Variants in SATB1 observed in about 807,000 individuals in gnomAD.
The protein encoded by SATB1 is SATB homeobox 1.
A neutral mutation model predicts 86.9 loss-of-function variants in SATB1; 11 were observed. The ratio of observed to expected loss-of-function variants is 0.13; its 90% confidence interval spans 0.08 to 0.21. SATB1 has a LOEUF of 0.21. Among genes scored for constraint, SATB1 ranks in the 10% least tolerant of loss-of-function variants. The pLI, the probability that SATB1 is intolerant of heterozygous loss-of-function variation, is 1.00. For missense variants in SATB1, 551 were observed against 937.6 expected (o/e 0.59, Z 5.39); for synonymous variants, 357 against 357.2 (o/e 1.00, Z 0.01).
upstream of SATB1, among the ~76,000 whole-genome samples, chr3:18,442,715 T>C (rs1319561516): frequency 6.6e-6 from 1 of 152,216 alleles, no homozygotes; most frequent in African/African-American, 2.4e-5. Flanking sequence ...ATTATGCACT[T>C]ATTATAACCT....
intron 9 of SATB1, among the ~76,000 whole-genome samples, chr3:18,370,715 C>A (rs1695439782): frequency 6.6e-6 from 1 of 152,030 alleles, no homozygotes; most frequent in Non-Finnish European, 1.5e-5. Context: ...TAGCATAGGA[C>A]AGAGTTGGGG....
chr3:18,419,779 C>T (rs942159847), intron 2 of SATB1, among the ~76,000 whole-genome samples: 2 of 152,134 alleles, frequency 1.3e-5, no homozygotes. Flanking sequence ...GCTGTTTTCC[C>T]ATTTTTAATA....
chr3:18,439,608 A>G (rs987569089), upstream of SATB1, among the ~76,000 whole-genome samples: 2 of 152,164 alleles, frequency 1.3e-5, no homozygotes, highest in African/African-American at 4.8e-5. Context: ...CTTTTTCTTC[A>G]GTGTAGTGAA....
At chr3:18,366,353 T>TCAA (rs1695185862) in intron 9 of SATB1, among the ~76,000 whole-genome samples, 1 of 152,124 alleles carries the variant, frequency 6.6e-6, no homozygotes, top group Non-Finnish European at 1.5e-5. Context: ...AATCTGTGAT[T>TCAA]TCTCATCAAT....
At chr3:18,430,504 A>G (rs1698852674) in intron 2 of SATB1, among the ~76,000 whole-genome samples, 2 of 152,204 alleles carry the variant, frequency 1.3e-5, no homozygotes, top group Admixed American at 1.3e-4. Flanking sequence ...GTTAAAAATC[A>G]CAGTCATTCC....
At chr3:18,419,118 T>A (rs915592854) in intron 2 of SATB1, among the ~76,000 whole-genome samples, 4 of 152,212 alleles carry the variant, frequency 2.6e-5, no homozygotes, top group African/African-American at 7.2e-5. Flanking sequence ...GTGGATTTTA[T>A]TGATCATGTT....
chr3:18,388,158 G>A (rs1267362632), intron 7 of SATB1, among the ~76,000 whole-genome samples: 1 of 152,092 alleles, frequency 6.6e-6, no homozygotes, highest in Non-Finnish European at 1.5e-5. Context: ...GGATACTAAC[G>A]AGTAATGCTG....
rs758199712 is a variant in SATB1 at position 18,349,556 on chromosome 3, C to T, written c.1906G>A (p.Glu636Lys). 6.2e-7 allele frequency: 1 copy of T among 1,614,002 alleles called. No individual in the cohort carries two copies. The highest frequency in any genetic ancestry group is 8.5e-7 in the Non-Finnish European group (1 of 1,180,000). Residue 636 changes from glutamate to lysine, a missense_variant, in exon 11 of 11, where the codon GAG becomes AAG. Glu to Lys is a moderately conservative substitution (Grantham distance 56). Transcript: ENST00000338745. The surrounding 1 kb of genome is among the most constrained non-coding windows in gnomAD (Gnocchi z 5.5). Reference protein sequence around the residue: ...PRQPTVASPAESDEENRQKTR... With the variant: ...PRQPTVASPAKSDEENRQKTR... ...TTCTGTCGGTTTTCCTCATCTGACT[C>T]TGCTGGAGAGGCCACCGTGGGTTGC... is the stretch of plus-strand genomic sequence containing the variant.
rs1694207090 is a variant in SATB1 at position 18,349,024 on chromosome 3, T to C, written c.*146A>G. ...CATTTAGTGCAGTCTGTATTATCCT[T>C]TTCCAACTTTTCTGTTTGTGCAAGT... On this transcript the variant is annotated 3_prime_UTR_variant, in exon 11 of 11. Transcript: ENST00000338745. The surrounding 1 kb of genome is among the most constrained non-coding windows in gnomAD (Gnocchi z 5.5). 9.5e-6 allele frequency: 13 copies of C among 1,367,218 alleles called. 1 individual carries two copies. The South Asian group carries it at 1.8e-4, about 19-fold the overall frequency. 84.7% of individuals were successfully genotyped at this position (1,367,218 alleles called of 1,614,324 possible).
chr3:18,410,074 C>A (rs1410538142), intron 5 of SATB1, among the ~76,000 whole-genome samples: 1 of 152,042 alleles, frequency 6.6e-6, no homozygotes, highest in Non-Finnish European at 1.5e-5. Flanking sequence ...GTCCCAAATA[C>A]CAAGTTATCC....
chr3:18,351,237 C>A lies in SATB1; in HGVS notation c.1779+755G>T, dbSNP rs755862787. On this transcript the variant is annotated intron_variant, in intron 10 of 10. Coordinates refer to ENST00000338745, the MANE Select transcript of SATB1 (RefSeq NM_002971.6). ...GTAGGGCCTTTACAGGTTTGAAAAT[C>A]CTGACCTGGGGAGCAGGTCTTTAGG... is the stretch of plus-strand genomic sequence containing the variant. The A allele has an allele frequency of 4.8e-6, 6 of 1,257,522 alleles. No homozygotes were observed. The Admixed American group carries it at 7.9e-5, about 17-fold the overall frequency. The allele number at this position is 1,257,522 out of a possible 1,614,324, so 77.9% of individuals were successfully genotyped here. A position where few individuals can be genotyped will look rare whatever the true frequency, so the allele number is the denominator to read the frequency against.
intron 5 of SATB1, among the ~76,000 whole-genome samples, chr3:18,406,790 TAAGTATA>T (rs1290526624): frequency 6.6e-6 from 1 of 151,996 alleles, no homozygotes; most frequent in Non-Finnish European, 1.5e-5. Flanking sequence ...AATACAGAAT[TAAGTATA>T]ATAGGAAAAT....
chr3:18,382,085 A>C (rs1696092322), intron 8 of SATB1, among the ~76,000 whole-genome samples: 1 of 152,196 alleles, frequency 6.6e-6, no homozygotes, highest in Admixed American at 6.5e-5. Context: ...ACTGAACCTG[A>C]AATCAAGATG....
intron 2 of SATB1, among the ~76,000 whole-genome samples, chr3:18,431,107 C>G (rs1423213354): frequency 6.6e-6 from 1 of 152,026 alleles, no homozygotes; most frequent in African/African-American, 2.4e-5. Context: ...ATAATTCCAC[C>G]AAAATTGGTA....
intron 9 of SATB1, among the ~76,000 whole-genome samples, chr3:18,354,112 T>A (rs762045990): frequency 6.6e-6 from 1 of 152,214 alleles, no homozygotes; most frequent in Non-Finnish European, 1.5e-5. Context: ...GTGAATATAT[T>A]AACTATAAAA....
chr3:18,413,831 A>G (rs1697988905), intron 5 of SATB1, among the ~76,000 whole-genome samples: 1 of 152,112 alleles, frequency 6.6e-6, no homozygotes, highest in African/African-American at 2.4e-5. Flanking sequence ...TATTAATTAT[A>G]AACAATTCAT....
upstream of SATB1, among the ~76,000 whole-genome samples, chr3:18,441,485 T>C (rs1699242896): frequency 6.6e-6 from 1 of 152,186 alleles, no homozygotes; most frequent in South Asian, 2.1e-4. Flanking sequence ...GCTTTAGTCA[T>C]ATGCATTTAT....
At chr3:18,435,345 T>C (rs1411476835) in intron 2 of SATB1, 1 of 152,114 alleles carries the variant, frequency 6.6e-6, no homozygotes, top group East Asian at 1.9e-4. Context: ...TGGAAACTAA[T>C]CTCTATGTGT....
chr3:18,384,463 T>G lies in SATB1; in HGVS notation c.1419+1936A>C, dbSNP rs1447381040. Among the ~76,000 whole-genome samples, 9 of 151,996 alleles carry G rather than the reference T, an allele frequency of 5.9e-5. 1 individual carries two copies. Among genetic ancestry groups the G allele is most frequent in the Non-Finnish European group, 1.2e-4 (8 of 67,984 alleles). Reference sequence around the variant, plus strand: ...AGTCAAATATCTGGCTAGATGTTTTTTTTTTTTTTTAAAGCAGTTCAATGT... The same window carrying G: ...AGTCAAATATCTGGCTAGATGTTTTGTTTTTTTTTTAAAGCAGTTCAATGT... On this transcript the variant is annotated intron_variant, in intron 8 of 10. Transcript: ENST00000338745.
Sources: gnomAD v4.1 joint callset for allele counts (sites outside exome capture counted in the v4.1 genomes callset) on GRCh38, gnomAD v4.1.1 for gene constraint, Gnocchi (gnomAD v3.1) non-coding constraint, MANE v1.5 for transcripts, NCBI Gene and HGNC (gene_info 2026-07-23, HGNC 2026-07-21) for gene names.